The following LRP1B variants were observed in gnomAD, a reference collection of about 807,000 sequenced individuals.
LRP1B encodes low-density lipoprotein receptor-related protein 1B.
A neutral mutation model predicts 556.6 loss-of-function variants in LRP1B; 217 were observed. That is an observed-to-expected ratio of 0.39 (90% CI 0.35 to 0.44). LRP1B has a LOEUF of 0.44. Ranked by LOEUF, LRP1B falls within the 20% of genes least tolerant of loss-of-function variation. The probability of loss-of-function intolerance (pLI) is 1.00; values close to 1 mark genes in which losing one functional copy is unlikely to be tolerated. For synonymous variants in LRP1B, 2,047 were observed against 1,865.8 expected (o/e 1.10, Z -2.50); for missense variants, 5,053 against 5,620.8 (o/e 0.90, Z 3.23).
intron 6 of LRP1B, among the ~76,000 whole-genome samples, chr2:141,200,973 T>C (rs1281674382): frequency 6.6e-6 from 1 of 152,226 alleles, no homozygotes; most frequent in African/African-American, 2.4e-5. Flanking sequence ...TCATAGCTTT[T>C]TCATTCCTTA....
chr2:140,316,133 C>T (rs1215989896), intron 82 of LRP1B, among the ~76,000 whole-genome samples: 1 of 152,116 alleles, frequency 6.6e-6, no homozygotes, highest in Admixed American at 6.6e-5. Context: ...ATGGCCTTCT[C>T]CGTTAGAAAT....
chr2:141,912,192 T>A (rs570958738), intron 1 of LRP1B, among the ~76,000 whole-genome samples: 1 of 152,264 alleles, frequency 6.6e-6, no homozygotes, highest in South Asian at 2.1e-4. Flanking sequence ...TTGTCAAAAA[T>A]CCTTTTCAGA....
chr2:140,541,907 C>G lies in LRP1B; in HGVS notation c.7259G>C (p.Trp2420Ser). 6.2e-7 allele frequency: 1 copy of G among 1,612,502 alleles called. No individual in the cohort carries two copies. Among genetic ancestry groups the G allele is most frequent in the Non-Finnish European group, 8.5e-7 (1 of 1,179,018 alleles). Residue 2420 changes from tryptophan (W) to serine (S), a missense_variant, in exon 44 of 91, where the codon TGG (tryptophan) becomes TCG (serine). By Grantham distance (177) the Trp-to-Ser change is radical. Transcript: ENST00000389484. ...TATAGCTCTTCTTCCCCAGTCCGAC[C>G]AGAATATATAATTGTCATAAACAGC... ...SLAVYDNYIF[W>S]SDWGRRAILR...
At position 141,967,658 on chromosome 2, in the gene LRP1B, T is replaced by A. The variant is rs1280044742; in HGVS notation, c.83-157257A>T. Among the ~76,000 whole-genome samples, 4 of 151,976 alleles carry A rather than the reference T, an allele frequency of 2.6e-5. No individual in the cohort carries two copies. In the East Asian group the frequency reaches 5.8e-4, roughly 22 times the overall value. ...GGAGATGAAAACCCCTATAAAGCAA[T>A]GTAAATAGTATATATGTCCTTACTT... On this transcript the variant is annotated intron_variant, in intron 1 of 90. Transcript: ENST00000389484.
chr2:140,989,650 A>G lies in LRP1B; in HGVS notation c.2652T>C (p.His884=), dbSNP rs144405350. 46 of 1,612,648 alleles carry G rather than the reference A, an allele frequency of 2.9e-5. No homozygotes were observed. The highest frequency in any genetic ancestry group is 1.2e-4 in the African/African-American group (9 of 74,828). Residue 884 remains histidine (H), a synonymous_variant, in exon 17 of 91, where the codon CAT becomes CAC. Transcript: ENST00000389484. ...ATTTAAACTGATCATCAGGACAGCT[A>G]TGATTGACTGGGAGGGAGGGGGAAG... is the stretch of plus-strand genomic sequence containing the variant. The part of the protein sequence containing the change: ...SDEDSVNCFN[H]SCPDDQFKCQ...
intron 1 of LRP1B, among the ~76,000 whole-genome samples, chr2:142,079,934 G>C (rs1052050453): frequency 3.9e-5 from 6 of 152,078 alleles, no homozygotes; most frequent in Admixed American, 6.5e-5. Context: ...GTCTATAAAG[G>C]ATAATCAGAA....
At chr2:140,799,852 C>T (rs1312608092) in intron 32 of LRP1B, among the ~76,000 whole-genome samples, 3 of 152,196 alleles carry the variant, frequency 2.0e-5, no homozygotes, top group East Asian at 3.9e-4. Context: ...CGGGTGATTT[C>T]TGCATTTCCA....
intron 53 of LRP1B, among the ~76,000 whole-genome samples, chr2:140,504,285 T>C (rs1383374198): frequency 6.6e-6 from 1 of 152,182 alleles, no homozygotes; most frequent in African/African-American, 2.4e-5. Context: ...CAACATTTTA[T>C]GTTTCTGACC....
intron 41 of LRP1B, among the ~76,000 whole-genome samples, chr2:140,639,826 A>ACT (rs1285936690): frequency 7.3e-5 from 11 of 150,126 alleles, no homozygotes; most frequent in Non-Finnish European, 1.5e-4. Flanking sequence ...GACCTAATCA[A>ACT]CTCTCACTTC....
chr2:141,094,406 T>A (rs1700244056), intron 7 of LRP1B, among the ~76,000 whole-genome samples: 1 of 152,186 alleles, frequency 6.6e-6, no homozygotes, highest in African/African-American at 2.4e-5. Context: ...CTTTAAACCA[T>A]CTAATTTTAG....
intron 85 of LRP1B, among the ~76,000 whole-genome samples, chr2:140,271,400 C>T (rs1573715444): frequency 6.6e-6 from 1 of 151,990 alleles, no homozygotes; most frequent in East Asian, 1.9e-4. Context: ...CACTTTGATC[C>T]TCCCCATGAT....
At chr2:141,706,700 C>A (rs1692153718) in intron 2 of LRP1B, among the ~76,000 whole-genome samples, 1 of 152,030 alleles carries the variant, frequency 6.6e-6, no homozygotes, top group South Asian at 2.1e-4. Flanking sequence ...TATTTTAATT[C>A]TTCGATATTC....
chr2:141,340,839 A>G (rs1255743463), intron 3 of LRP1B, among the ~76,000 whole-genome samples: 1 of 152,178 alleles, frequency 6.6e-6, no homozygotes, highest in Non-Finnish European at 1.5e-5. Context: ...TGTCATTTCA[A>G]ACAGGAAGAA....
chr2:140,644,995 C>G (rs1293338157), intron 41 of LRP1B, among the ~76,000 whole-genome samples: 1 of 151,986 alleles, frequency 6.6e-6, no homozygotes, highest in Non-Finnish European at 1.5e-5. Context: ...TAAAATCTTC[C>G]TCTTAACTAC....
chr2:140,994,380 T>G (rs943006771), intron 15 of LRP1B, among the ~76,000 whole-genome samples: 1 of 114,606 alleles, frequency 8.7e-6, no homozygotes, highest in Non-Finnish European at 1.8e-5. Flanking sequence ...TGTAGGTTGG[T>G]AGGTAAGGAT....
At chr2:140,998,866 T>C (rs1367577850) in intron 15 of LRP1B, among the ~76,000 whole-genome samples, 1 of 152,066 alleles carries the variant, frequency 6.6e-6, no homozygotes, top group Non-Finnish European at 1.5e-5. Flanking sequence ...GCAACTTTGT[T>C]TTGCTTGTTT....
At chr2:141,329,653 A>AAAAACAAAACAAAAC (rs1553497013) in intron 3 of LRP1B, among the ~76,000 whole-genome samples, 1 of 140,326 alleles carries the variant, frequency 7.1e-6, no homozygotes, top group Admixed American at 7.3e-5. Flanking sequence ...CAAAAAAAAA[A>AAAAACAAAACAAAAC]AAAAAAAAAA....
rs538460673 is a variant in LRP1B at position 141,651,884 on chromosome 2, T to C, written c.205+158395A>G. ...AAATTGGTTAATTAAACATTTTAAA[T>C]ATATTTGAGCACCTAAAGTATATAT... On this transcript the variant is annotated intron_variant, in intron 2 of 90. Coordinates refer to ENST00000389484, the MANE Select transcript of LRP1B (RefSeq NM_018557.3). Among the ~76,000 whole-genome samples, 4 of 152,308 alleles carry C rather than the reference T, an allele frequency of 2.6e-5. No individual in the cohort carries two copies. The East Asian group carries it at 7.7e-4, about 29-fold the overall frequency.
At chr2:140,709,394 G>A (rs1451774526) in intron 37 of LRP1B, among the ~76,000 whole-genome samples, 1 of 151,756 alleles carries the variant, frequency 6.6e-6, no homozygotes, top group African/African-American at 2.4e-5. Context: ...AGTAATACCA[G>A]AGGAGGAGCA....
Sources: gnomAD v4.1 joint callset for allele counts (sites outside exome capture counted in the v4.1 genomes callset) on GRCh38, gnomAD v4.1.1 for gene constraint, MANE v1.5 for transcripts, NCBI Gene and HGNC (gene_info 2026-07-23, HGNC 2026-07-21) for gene names.